PCDH9: variants seen among roughly 807,000 people sequenced by gnomAD.
PCDH9 encodes protocadherin 9.
In PCDH9, 24 loss-of-function variants were observed where a neutral mutation model predicts 70.6. That is an observed-to-expected ratio of 0.34 (90% CI 0.25 to 0.48). The LOEUF is 0.48. PCDH9 is among the 20% of genes least tolerant of loss of function. The pLI is 0.99. For synonymous variants in PCDH9, 562 were observed against 558.5 expected (o/e 1.01, Z -0.09); for missense variants, 1,281 against 1,503.6 (o/e 0.85, Z 2.45).
intron 2 of PCDH9, among the ~76,000 whole-genome samples, chr13:67,005,911 T>C (rs1594381134): frequency 6.6e-6 from 1 of 152,144 alleles, no homozygotes; most frequent in African/African-American, 2.4e-5. Flanking sequence ...GTGGTAGGCA[T>C]CATTACATAA....
chr13:66,989,121 T>A (rs990143693), intron 2 of PCDH9, among the ~76,000 whole-genome samples: 16 of 151,930 alleles, frequency 1.1e-4, no homozygotes, highest in African/African-American at 3.9e-4. Context: ...AGATTTACAC[T>A]CCATTCCCAA....
chr13:66,339,238 C>T (rs563458158), intron 4 of PCDH9, among the ~76,000 whole-genome samples: 1 of 132,952 alleles, frequency 7.5e-6, no homozygotes, highest in East Asian at 2.0e-4. Flanking sequence ...ACAACAACAA[C>T]AAAAAAACAG....
intron 3 of PCDH9, among the ~76,000 whole-genome samples, chr13:66,883,384 T>C (rs1195875256): frequency 6.6e-6 from 1 of 151,992 alleles, no homozygotes; most frequent in Non-Finnish European, 1.5e-5. Context: ...TGTGTGTGCA[T>C]TTGTTTGTTT....
chr13:66,631,185 A>C, intron 4 of PCDH9, 25 bp downstream of exon 4: 2 of 1,246,594 alleles, frequency 1.6e-6, no homozygotes, highest in Admixed American at 3.4e-5. Flanking sequence ...AACTCCAAGC[A>C]ATCAAAATTT....
At chr13:66,572,466 C>A (rs34455700) in intron 4 of PCDH9, among the ~76,000 whole-genome samples, 1 of 151,850 alleles carries the variant, frequency 6.6e-6, no homozygotes, top group Non-Finnish European at 1.5e-5. Flanking sequence ...ATGTTATATT[C>A]GTCTTTCTGG....
At chr13:66,816,239 G>T (rs926368002) in intron 3 of PCDH9, among the ~76,000 whole-genome samples, 1 of 152,144 alleles carries the variant, frequency 6.6e-6, no homozygotes, top group Non-Finnish European at 1.5e-5. Context: ...TGTTAAATGT[G>T]CAGAATGGAA....
At chr13:66,608,050 G>T (rs184405494) in intron 4 of PCDH9, among the ~76,000 whole-genome samples, 4 of 151,930 alleles carry the variant, frequency 2.6e-5, no homozygotes, top group African/African-American at 4.8e-5. Flanking sequence ...ATCAATGAAT[G>T]AATAAAAAAG....
At chr13:66,580,143 A>G (rs2076870010) in intron 4 of PCDH9, among the ~76,000 whole-genome samples, 1 of 152,050 alleles carries the variant, frequency 6.6e-6, no homozygotes, top group South Asian at 2.1e-4. Context: ...GTTAATAAAT[A>G]ATTTCCTATA....
At chr13:66,308,899 A>G (rs1377660179) in intron 4 of PCDH9, among the ~76,000 whole-genome samples, 1 of 152,106 alleles carries the variant, frequency 6.6e-6, no homozygotes, top group Non-Finnish European at 1.5e-5. Context: ...GCAAAAAATA[A>G]AAACAAAAAC....
chr13:66,692,072 C>A (rs1232678765), intron 3 of PCDH9, among the ~76,000 whole-genome samples: 1 of 152,078 alleles, frequency 6.6e-6, no homozygotes, highest in South Asian at 2.1e-4. Flanking sequence ...AAATCAGTTG[C>A]AAGTAGACTA....
At chr13:66,830,278 C>T (rs2080902394) in intron 3 of PCDH9, among the ~76,000 whole-genome samples, 1 of 152,096 alleles carries the variant, frequency 6.6e-6, no homozygotes, top group Non-Finnish European at 1.5e-5. Context: ...ACTGTTCAAC[C>T]TGGACTTGGC....
At chr13:66,508,978 T>C (rs945118519) in intron 4 of PCDH9, among the ~76,000 whole-genome samples, 1 of 152,134 alleles carries the variant, frequency 6.6e-6, no homozygotes, top group Non-Finnish European at 1.5e-5. Context: ...ATAATGAACA[T>C]AATGAATTTT....
intron 4 of PCDH9, among the ~76,000 whole-genome samples, chr13:66,554,462 G>A (rs760959697): frequency 6.6e-6 from 1 of 151,960 alleles, no homozygotes; most frequent in Non-Finnish European, 1.5e-5. Flanking sequence ...TTGAATAAGG[G>A]CATTTTGTTG....
intron 4 of PCDH9, among the ~76,000 whole-genome samples, chr13:66,581,440 T>G (rs1364455974): frequency 4.6e-5 from 7 of 152,116 alleles, no homozygotes; most frequent in Non-Finnish European, 1.0e-4. Flanking sequence ...GCGTTTTTTG[T>G]CTCAAAGAAG....
At chr13:66,688,848 C>T (rs2078441993) in intron 3 of PCDH9, among the ~76,000 whole-genome samples, 1 of 152,102 alleles carries the variant, frequency 6.6e-6, no homozygotes, top group Non-Finnish European at 1.5e-5. Flanking sequence ...ATATGGCATA[C>T]ATAGCAAGAC....
chr13:66,614,228 G>A (rs945915230), intron 4 of PCDH9, among the ~76,000 whole-genome samples: 2 of 152,184 alleles, frequency 1.3e-5, no homozygotes, highest in Non-Finnish European at 1.5e-5. Flanking sequence ...AGGGTTAAAG[G>A]ATTGTTTTTT....
At chr13:66,988,854 A>C (rs2083945159) in intron 2 of PCDH9, among the ~76,000 whole-genome samples, 1 of 152,006 alleles carries the variant, frequency 6.6e-6, no homozygotes, top group Non-Finnish European at 1.5e-5. Context: ...CTCTTTATCC[A>C]GAGCGTTATT....
intron 4 of PCDH9, among the ~76,000 whole-genome samples, chr13:66,364,962 T>C (rs999849078): frequency 6.6e-6 from 1 of 152,228 alleles, no homozygotes; most frequent in Admixed American, 6.5e-5. Flanking sequence ...TTACAAGCTC[T>C]TCCATTCCTT....
In PCDH9 at chr13:67,028,796, A is replaced by T. The variant is rs34439981; in HGVS notation, c.3037-125191T>A. Reference sequence around the variant, plus strand: ...TATAATACACACACTGACACTTTAGAATAAATGAAACCTCAATTTTAATGA... The same window carrying T: ...TATAATACACACACTGACACTTTAGTATAAATGAAACCTCAATTTTAATGA... On this transcript the variant is annotated intron_variant, in intron 2 of 4. Coordinates refer to ENST00000377865, the MANE Select transcript of PCDH9 (RefSeq NM_203487.3). Among the ~76,000 whole-genome samples the T allele has an allele frequency of 8.1e-3, 1,233 of 152,292 alleles. 10 individuals carry two copies. Among genetic ancestry groups the T allele is most frequent in the Middle Eastern group, 0.014 (4 of 294 alleles).
Sources: allele counts gnomAD v4.1 joint callset (sites outside exome capture counted in the v4.1 genomes callset), GRCh38; gene constraint gnomAD v4.1.1; transcripts MANE v1.5; gene names NCBI Gene and HGNC (gene_info 2026-07-23, HGNC 2026-07-21).